Variants in ITGA2 observed in about 807,000 individuals in gnomAD.
The protein encoded by ITGA2 is integrin alpha-2.
Under a neutral mutation model 146.3 loss-of-function variants are expected in ITGA2, and 101 were observed. That is an observed-to-expected ratio of 0.69 (90% CI 0.59 to 0.81). The LOEUF (loss-of-function observed/expected upper bound fraction) is 0.81. Ranked by LOEUF, ITGA2 falls within the 40% of genes least tolerant of loss-of-function variation. The pLI is 0.00. For synonymous variants in ITGA2, 477 were observed against 487.1 expected (o/e 0.98, Z 0.27); for missense variants, 1,281 against 1,402.7 (o/e 0.91, Z 1.39).
chr5:53,048,511 G>A (rs1744198877), intron 5 of ITGA2, 34 bp downstream of exon 5: 3 of 1,609,354 alleles, frequency 1.9e-6, no homozygotes, highest in East Asian at 4.5e-5. Flanking sequence ...TCTGAGCAAT[G>A]CCTTACAGTT....
intron 9 of ITGA2, among the ~76,000 whole-genome samples, chr5:53,057,585 A>C (rs576987720): frequency 6.6e-6 from 1 of 152,106 alleles, no homozygotes; most frequent in South Asian, 2.1e-4. Context: ...CAGCCCTTCC[A>C]ACTGCATCTG....
In ITGA2 at chr5:53,093,033, A is replaced by G. The variant is rs1740506250; in HGVS notation, c.*2434A>G. ...GGCAGGAGAATCACTTGAACCCGGG[A>G]GGCAGAGGTTTCAGTGAGCCGAGAT... On this transcript the variant is annotated 3_prime_UTR_variant, in exon 30 of 30. Coordinates refer to ENST00000296585, the MANE Select transcript of ITGA2 (RefSeq NM_002203.4). 6.6e-6 allele frequency: 1 copy of G among 152,290 alleles called. No individual in the cohort carries two copies. Among genetic ancestry groups the G allele is most frequent in the African/African-American group, 2.4e-5 (1 of 41,418 alleles). 9.4% of individuals were successfully genotyped at this position (152,290 alleles called of 1,614,324 possible). A position where few individuals can be genotyped will look rare whatever the true frequency, so the allele number is the denominator to read the frequency against.
Position 53,072,896 on chromosome 5 carries a change from G to C in ITGA2, c.2429+201G>C, listed in dbSNP as rs562959729. On this transcript the variant is annotated intron_variant, in intron 19 of 29. Coordinates refer to ENST00000296585, the MANE Select transcript of ITGA2 (RefSeq NM_002203.4). ...ATATAAAATTATCTGTATTTAAATG[G>C]TTCCATTCCCTCTAATACAATAGCA... is the stretch of plus-strand genomic sequence containing the variant. Among the ~76,000 whole-genome samples the C allele has an allele frequency of 1.3e-3, 199 of 151,828 alleles. 1 individual carries two copies. The highest frequency in any genetic ancestry group is 4.5e-3 in the African/African-American group (188 of 41,442).
At position 53,090,522 on chromosome 5, in the gene ITGA2, G is replaced by T; in HGVS notation, c.3469G>T (p.Gly1157Cys). Reference protein sequence around the residue: ...LALVAILWKLGFFKRKYEKMT... With the variant: ...LALVAILWKLCFFKRKYEKMT... ...TCTTATATCATCACCTTTACAGCTC[G>T]GCTTCTTCAAAAGAAAATATGAAAA... is the stretch of plus-strand genomic sequence containing the variant. Residue 1157 changes from glycine to cysteine, a missense_variant, in exon 30 of 30, where the codon GGC (glycine) becomes TGC (cysteine). This residue lies in a region of ITGA2 where 475 missense variants were observed against 530.5 expected (regional missense o/e 0.90). Coordinates refer to ENST00000296585, the MANE Select transcript of ITGA2 (RefSeq NM_002203.4). 6.2e-7 allele frequency: 1 copy of T among 1,613,618 alleles called. No homozygotes were observed. The highest frequency in any genetic ancestry group is 1.1e-5 in the South Asian group (1 of 91,060).
In ITGA2 at chr5:52,989,397, C is replaced by G; in HGVS notation, c.-72C>G. 2 of 1,489,878 alleles carry G rather than the reference C, an allele frequency of 1.3e-6. No homozygotes were observed. Among genetic ancestry groups the G allele is most frequent in the Non-Finnish European group, 1.9e-6 (2 of 1,066,954 alleles). The allele number at this position is 1,489,878 out of a possible 1,614,324, so 92.3% of individuals were successfully genotyped here. ...TTCTAGAGTGTGCAGGTTCTCGTAT[C>G]CCTCGGCCAAGGGTATCCTCTGCAA... On this transcript the variant is annotated 5_prime_UTR_variant, in exon 1 of 30. It adds an upstream start codon to the 5' untranslated region. Transcript: ENST00000296585.
rs1032256688 is a variant in ITGA2, at chr5:53,093,786, T to A, written c.*3187T>A. 4 of 152,602 alleles carry A rather than the reference T, an allele frequency of 2.6e-5. No individual in the cohort carries two copies. The highest frequency in any genetic ancestry group is 9.6e-5 in the African/African-American group (4 of 41,462). 9.5% of individuals were successfully genotyped at this position (152,602 alleles called of 1,614,324 possible). On this transcript the variant is annotated 3_prime_UTR_variant, in exon 30 of 30. Transcript: ENST00000296585. Reference sequence around the variant, plus strand: ...TGGTGTACAGACAAGGTCTATAGAATGTGGTAAAAACTTGACTGCAACACA... The same window carrying A: ...TGGTGTACAGACAAGGTCTATAGAAAGTGGTAAAAACTTGACTGCAACACA...
At chr5:53,028,945 T>C (rs541376439) in intron 2 of ITGA2, among the ~76,000 whole-genome samples, 2 of 152,356 alleles carry the variant, frequency 1.3e-5, no homozygotes, top group African/African-American at 4.8e-5. Context: ...AGCTTTATTC[T>C]GCTGTCTTTG....
In ITGA2 at chr5:53,086,956, C is replaced by T. The variant is rs760025766; in HGVS notation, c.3263C>T (p.Thr1088Met). 1.2e-5 allele frequency: 19 copies of T among 1,612,118 alleles called. No homozygotes were observed. The highest frequency in any genetic ancestry group is 3.3e-5 in the South Asian group (3 of 91,058). Residue 1088 changes from threonine (T) to methionine (M), a missense_variant, in exon 28 of 30, where the codon ACG (threonine) becomes ATG (methionine). Thr to Met is a moderately conservative substitution (Grantham distance 81). Coordinates refer to ENST00000296585, the MANE Select transcript of ITGA2 (RefSeq NM_002203.4). ...TTCCTTATTCTTATGTTCCAGTCAA[C>T]GTTCCAGACAGTACAGCTAACGGCA... ...RIWNGTFASSTFQTVQLTAAA... is the reference protein window; with the variant it reads ...RIWNGTFASSMFQTVQLTAAA...
At chr5:53,000,315 A>T (rs1741501363) in intron 1 of ITGA2, among the ~76,000 whole-genome samples, 1 of 152,092 alleles carries the variant, frequency 6.6e-6, no homozygotes, top group Non-Finnish European at 1.5e-5. Flanking sequence ...TATTACATAA[A>T]TTTTTCTTCT....
chr5:53,087,273 C>T (rs1746204072), intron 28 of ITGA2, among the ~76,000 whole-genome samples: 3 of 152,186 alleles, frequency 2.0e-5, no homozygotes, highest in South Asian at 2.1e-4. Context: ...GCAAAGCTGG[C>T]TTTCCTAGAG....
At chr5:53,057,687 A>C (rs984752256) in intron 9 of ITGA2, among the ~76,000 whole-genome samples, 3 of 152,002 alleles carry the variant, frequency 2.0e-5, no homozygotes, top group African/African-American at 7.2e-5. Context: ...AAAAATTATC[A>C]TCTCAGTTTT....
At chr5:53,020,768 G>A (rs890647853) in intron 1 of ITGA2, among the ~76,000 whole-genome samples, 8 of 151,280 alleles carry the variant, frequency 5.3e-5, no homozygotes, top group African/African-American at 1.5e-4. Context: ...TGCAACCTCC[G>A]CCTTCCGGGC....
chr5:53,017,327 T>A (rs918317329), intron 1 of ITGA2, among the ~76,000 whole-genome samples: 1 of 152,222 alleles, frequency 6.6e-6, no homozygotes, highest in African/African-American at 2.4e-5. Flanking sequence ...ACTGGCATTG[T>A]CTCTGTAAGA....
In ITGA2 at chr5:53,048,769, A is replaced by T. The variant is rs1181032214; in HGVS notation, c.629A>T (p.Gln210Leu). The T allele has an allele frequency of 6.2e-7, 1 of 1,613,698 alleles. No individual in the cohort carries two copies. Among genetic ancestry groups the T allele is most frequent in the East Asian group, 2.2e-5 (1 of 44,864 alleles). ...CTGGATATAGGCCCCACAAAGACAC[A>T]GGTATGGCTAACAGAAATGCATAAC... is the stretch of plus-strand genomic sequence containing the variant. The part of the protein sequence containing the change: ...QGLDIGPTKT[Q>L]VGLIQYANNP... The change falls in exon 6 of 30, where the codon CAG becomes CTG. Residue 210 changes from glutamine (Q) to leucine (L), a missense_variant and splice_region_variant. Transcript: ENST00000296585.
chr5:53,090,426 G>A (rs1317693955), intron 29 of ITGA2, 93 bp from the exon 30 acceptor site: 3 of 975,430 alleles, frequency 3.1e-6, no homozygotes, highest in South Asian at 1.3e-5. Context: ...GATTCCCAGA[G>A]GTGCATCAGA....
chr5:53,059,975 C>A lies in ITGA2; in HGVS notation c.1275C>A (p.Asp425Glu), dbSNP rs1255620209. Reference sequence around the variant, plus strand: ...TGATCTTTCCTAAACAAGCCTTTGACCAAATTCTGCAGGACAGAAATCACA... The same window carrying A: ...TGATCTTTCCTAAACAAGCCTTTGAACAAATTCTGCAGGACAGAAATCACA... ...GHLIFPKQAF[D>E]QILQDRNHSS... The change falls in exon 11 of 30, where the codon GAC (aspartate) becomes GAA (glutamate). Residue 425 changes from aspartate to glutamate, a missense_variant. Asp to Glu is a conservative substitution (Grantham distance 45). Around this residue, in one of 3 missense-constraint regions of ITGA2, gnomAD observed 795 missense variants for 841.7 expected, o/e 0.94. Coordinates refer to ENST00000296585, the MANE Select transcript of ITGA2 (RefSeq NM_002203.4). 6.2e-7 allele frequency: 1 copy of A among 1,612,092 alleles called. No homozygotes were observed. The highest frequency in any genetic ancestry group is 8.5e-7 in the Non-Finnish European group (1 of 1,178,878).
chr5:53,045,282 C>T (rs1744020772), intron 4 of ITGA2, among the ~76,000 whole-genome samples, 190 bp downstream of exon 4: 1 of 152,100 alleles, frequency 6.6e-6, no homozygotes, highest in Admixed American at 6.5e-5. Context: ...TTAGGATATT[C>T]AGCAAAACCA....
chr5:53,006,766 G>A (rs1038883431), intron 1 of ITGA2, among the ~76,000 whole-genome samples: 3 of 152,124 alleles, frequency 2.0e-5, no homozygotes, highest in Non-Finnish European at 4.4e-5. Flanking sequence ...CCCTTCCTCT[G>A]TTTTCACAGT....
intron 28 of ITGA2, among the ~76,000 whole-genome samples, 188 bp downstream of exon 28, chr5:53,087,229 C>A (rs1260701335): frequency 6.6e-6 from 1 of 152,174 alleles, no homozygotes; most frequent in African/African-American, 2.4e-5. Flanking sequence ...TTCAGTGATA[C>A]ACTTGCCTTC....
Sources: gnomAD v4.1 joint callset for allele counts (sites outside exome capture counted in the v4.1 genomes callset) on GRCh38, gnomAD v4.1.1 for gene constraint, gnomAD v4.1.1 regional missense constraint, MANE v1.5 for transcripts, NCBI Gene and HGNC (gene_info 2026-07-23, HGNC 2026-07-21) for gene names.